Variants in MAGI2 observed in about 807,000 individuals in gnomAD.
MAGI2 encodes membrane associated guanylate kinase, WW and PDZ domain containing 2.
A neutral mutation model predicts 133.3 loss-of-function variants in MAGI2; 35 were observed. The observed-to-expected ratio is 0.26, with a 90% CI of 0.20 to 0.35. The LOEUF is 0.35. MAGI2 is among the 10% of genes least tolerant of loss of function. The pLI is 1.00. For missense variants in MAGI2, 1,636 were observed against 1,863.4 expected, an observed-to-expected ratio of 0.88 and a Z score of 2.25; for synonymous variants, 729 against 710.6, an observed-to-expected ratio of 1.03 and a Z score of -0.41.
In MAGI2 at chr7:78,196,209, T is replaced by C. The variant is rs192507014; in HGVS notation, c.2080-1146A>G. 5.3e-4 allele frequency among the ~76,000 whole-genome samples: 80 copies of C among 152,144 alleles called. No homozygotes were observed. In the South Asian group the frequency reaches 8.5e-3, roughly 16 times the overall value. On this transcript the variant is annotated intron_variant, in intron 11 of 21. Transcript: ENST00000354212. ...CTCTCATTTCACCTAGCTACTAGAT[T>C]CAGAGGAGGTGTCTCCTTTCCTAGA...
At chr7:78,094,837 A>C (rs1357024946) in intron 20 of MAGI2, among the ~76,000 whole-genome samples, 2 of 152,188 alleles carry the variant, frequency 1.3e-5, no homozygotes, top group African/African-American at 4.8e-5. Flanking sequence ...TTAGCATTGC[A>C]ATCTTCAATT....
intron 1 of MAGI2, among the ~76,000 whole-genome samples, chr7:79,347,373 CT>C (rs1445577231): frequency 6.6e-6 from 1 of 151,904 alleles, no homozygotes; most frequent in African/African-American, 2.4e-5. Context: ...ACTCAAGCCT[CT>C]CTGTTCTTCC....
chr7:78,914,409 T>G (rs1417317247), intron 2 of MAGI2, among the ~76,000 whole-genome samples: 1 of 152,200 alleles, frequency 6.6e-6, no homozygotes, highest in Admixed American at 6.6e-5. Flanking sequence ...GGTGTACTTT[T>G]AAATTATTAG....
At chr7:78,622,934 T>C (rs1008600535) in intron 3 of MAGI2, among the ~76,000 whole-genome samples, 6 of 152,042 alleles carry the variant, frequency 3.9e-5, no homozygotes, top group Admixed American at 6.6e-5. Context: ...CCAATTAAGA[T>C]GGCACCAAAC....
intron 1 of MAGI2, among the ~76,000 whole-genome samples, chr7:79,267,559 A>C (rs1834566984): frequency 6.6e-6 from 1 of 152,180 alleles, no homozygotes; most frequent in South Asian, 2.1e-4. Flanking sequence ...TGTTGCCAAT[A>C]GTTTACAATG....
intron 6 of MAGI2, among the ~76,000 whole-genome samples, chr7:78,438,004 C>A (rs945016327): frequency 1.3e-5 from 2 of 152,124 alleles, no homozygotes; most frequent in African/African-American, 4.8e-5. Flanking sequence ...TCAAAACCAA[C>A]AGTTTGTTAT....
At chr7:78,450,312 T>C (rs1788590072) in intron 6 of MAGI2, among the ~76,000 whole-genome samples, 1 of 152,218 alleles carries the variant, frequency 6.6e-6, no homozygotes, top group East Asian at 1.9e-4. Context: ...TATATTCTTT[T>C]GAATTATTTA....
intron 10 of MAGI2, among the ~76,000 whole-genome samples, chr7:78,229,696 C>T (rs1404143116): frequency 1.3e-5 from 2 of 152,130 alleles, no homozygotes; most frequent in Non-Finnish European, 2.9e-5. Context: ...ACCAGTAAGC[C>T]AGGTTCCTAA....
chr7:78,965,336 ATT>A (rs952758548), intron 2 of MAGI2, among the ~76,000 whole-genome samples: 3 of 148,172 alleles, frequency 2.0e-5, no homozygotes, highest in African/African-American at 7.4e-5. Context: ...AAAAGGTAGA[ATT>A]TTTTTTTTTA....
At chr7:79,179,815 A>G (rs1289192495) in intron 1 of MAGI2, among the ~76,000 whole-genome samples, 1 of 152,046 alleles carries the variant, frequency 6.6e-6, no homozygotes, top group Non-Finnish European at 1.5e-5. Context: ...ACAAAACTAT[A>G]AGACAACTGG....
At chr7:78,922,490 A>G (rs1283184688) in intron 2 of MAGI2, among the ~76,000 whole-genome samples, 2 of 151,222 alleles carry the variant, frequency 1.3e-5, no homozygotes, top group East Asian at 2.0e-4. Context: ...ATGATTTCCA[A>G]TTTCATCCAT....
chr7:78,125,886 G>C (rs376615363), intron 19 of MAGI2, 49 bp from the exon 20 acceptor site: 30 of 1,575,594 alleles, frequency 1.9e-5, no homozygotes, highest in Non-Finnish European at 2.6e-5. Context: ...AGTTATCAGA[G>C]AAGCTTCTGT....
At chr7:78,593,034 A>C (rs951519036) in intron 3 of MAGI2, among the ~76,000 whole-genome samples, 4 of 151,552 alleles carry the variant, frequency 2.6e-5, no homozygotes, top group Non-Finnish European at 5.9e-5. Flanking sequence ...GTTTCACTAC[A>C]TCACCCAAGC....
chr7:79,325,203 T>C (rs772495677), intron 1 of MAGI2, among the ~76,000 whole-genome samples: 2 of 152,066 alleles, frequency 1.3e-5, no homozygotes, highest in Non-Finnish European at 2.9e-5. Flanking sequence ...TTCTACAACA[T>C]AGACTTTAGC....
intron 20 of MAGI2, among the ~76,000 whole-genome samples, chr7:78,082,188 C>G (rs1816048390): frequency 6.6e-6 from 1 of 152,176 alleles, no homozygotes; most frequent in African/African-American, 2.4e-5. Flanking sequence ...TGGTCCCATA[C>G]TTGAGTTTAG....
chr7:79,049,147 T>C (rs1247170901), intron 1 of MAGI2, among the ~76,000 whole-genome samples: 1 of 152,022 alleles, frequency 6.6e-6, no homozygotes. Flanking sequence ...AAGGAAAAAA[T>C]GACATGATTA....
At chr7:78,160,895 A>G (rs955134073) in intron 15 of MAGI2, among the ~76,000 whole-genome samples, 16 of 152,368 alleles carry the variant, frequency 1.1e-4, no homozygotes, top group Admixed American at 9.1e-4. Context: ...ATATTCTGCT[A>G]GCCTAGAAGT....
At chr7:78,362,424 C>T (rs1792922387) in intron 7 of MAGI2, among the ~76,000 whole-genome samples, 1 of 152,080 alleles carries the variant, frequency 6.6e-6, no homozygotes, top group Admixed American at 6.5e-5. Flanking sequence ...GTGAGTAGTA[C>T]AGAGGGTCGG....
intron 16 of MAGI2, among the ~76,000 whole-genome samples, chr7:78,146,697 A>G (rs1823341991): frequency 6.6e-6 from 1 of 152,152 alleles, no homozygotes; most frequent in Admixed American, 6.5e-5. Context: ...ACACCCATCA[A>G]TGTACTTGGC....
Sources: allele counts gnomAD v4.1 joint callset (sites outside exome capture counted in the v4.1 genomes callset), GRCh38; gene constraint gnomAD v4.1.1; transcripts MANE v1.5; gene names NCBI Gene and HGNC (gene_info 2026-07-23, HGNC 2026-07-21).